SHISA9: variants seen among roughly 807,000 people sequenced by gnomAD.
SHISA9 encodes the protein shisa family member 9.
In SHISA9, 13 loss-of-function variants were observed where a neutral mutation model predicts 38.0. The observed-to-expected ratio is 0.34, with a 90% CI of 0.22 to 0.54. The LOEUF (loss-of-function observed/expected upper bound fraction) is 0.54, where lower values mean the gene tolerates loss of function less well. SHISA9 is among the 20% of genes least tolerant of loss of function. The pLI is 0.91. For missense variants in SHISA9, 538 were observed against 575.8 expected (o/e 0.93, Z 0.67); for synonymous variants, 275 against 242.0 (o/e 1.14, Z -1.27).
chr16:12,973,360 T>C (rs930298506), intron 2 of SHISA9, among the ~76,000 whole-genome samples: 3 of 152,202 alleles, frequency 2.0e-5, no homozygotes, highest in Non-Finnish European at 4.4e-5. Context: ...TCAAGAAACA[T>C]GTGCCTGTTG....
At chr16:13,333,264 C>T in the SHISA9 span, among the ~76,000 whole-genome samples, 1 of 152,220 alleles carries the variant, frequency 6.6e-6, no homozygotes, top group Non-Finnish European at 1.5e-5. Context: ...CAGTTTGGTC[C>T]TGGAGCCCTT....
chr16:13,281,140 G>A, the SHISA9 span, among the ~76,000 whole-genome samples: 1 of 151,762 alleles, frequency 6.6e-6, no homozygotes, highest in Non-Finnish European at 1.5e-5. Flanking sequence ...TGAAGATGGA[G>A]ATGGGAAAGA....
intron 2 of SHISA9, among the ~76,000 whole-genome samples, chr16:13,098,557 C>G (rs544993185): frequency 6.6e-6 from 1 of 152,220 alleles, no homozygotes; most frequent in African/African-American, 2.4e-5. Flanking sequence ...TTGTAAAACC[C>G]ATGAGCCACT....
chr16:13,327,304 T>C, the SHISA9 span, among the ~76,000 whole-genome samples: 2 of 152,054 alleles, frequency 1.3e-5, no homozygotes, highest in Admixed American at 1.3e-4. Context: ...ACTTTTTAGT[T>C]AGTAGATTAG....
At chr16:13,019,850 C>CTTTTT (rs1294681514) in intron 2 of SHISA9, among the ~76,000 whole-genome samples, 3 of 19,290 alleles carry the variant, frequency 1.6e-4, no homozygotes, top group East Asian at 4.6e-3. Context: ...TTCCTTCCCT[C>CTTTTT]CCTCCCTCCC....
the SHISA9 span, among the ~76,000 whole-genome samples, chr16:13,514,653 A>G: frequency 6.6e-6 from 1 of 152,194 alleles, no homozygotes; most frequent in Non-Finnish European, 1.5e-5. Flanking sequence ...GAGGCAAAAA[A>G]GAAAGAATAA....
At chr16:13,031,244 G>A (rs2072987543) in intron 2 of SHISA9, among the ~76,000 whole-genome samples, 1 of 152,190 alleles carries the variant, frequency 6.6e-6, no homozygotes, top group African/African-American at 2.4e-5. Context: ...TGTTTTCTCT[G>A]GCCCTTGGTT....
At chr16:13,503,794 T>A in the SHISA9 span, among the ~76,000 whole-genome samples, 1 of 152,220 alleles carries the variant, frequency 6.6e-6, no homozygotes, top group African/African-American at 2.4e-5. Context: ...ATGAGATTTA[T>A]GTTTTCCACA....
At chr16:13,452,221 AG>A in the SHISA9 span, among the ~76,000 whole-genome samples, 1 of 152,230 alleles carries the variant, frequency 6.6e-6, no homozygotes, top group African/African-American at 2.4e-5. Flanking sequence ...GAGGGTGCAC[AG>A]GGGTAATAAA....
intron 2 of SHISA9, among the ~76,000 whole-genome samples, chr16:13,021,059 A>C (rs182304159): frequency 5.3e-4 from 81 of 152,306 alleles, no homozygotes; most frequent in Middle Eastern, 6.8e-3. Flanking sequence ...TGAATTAAGG[A>C]GATGTTGAAC....
the SHISA9 span, among the ~76,000 whole-genome samples, chr16:13,549,534 G>T: frequency 6.6e-6 from 1 of 151,718 alleles, no homozygotes; most frequent in African/African-American, 2.4e-5. Context: ...AAACTAATAG[G>T]TTGCTTTTAT....
intron 2 of SHISA9, among the ~76,000 whole-genome samples, chr16:13,118,930 C>G (rs956553208): frequency 2.0e-5 from 3 of 152,054 alleles, no homozygotes; most frequent in African/African-American, 7.2e-5. Flanking sequence ...CGGGGTTTCT[C>G]CTTGTTGGCC....
At chr16:12,909,450 C>T in intron 1 of SHISA9, 1 of 985,412 alleles carries the variant, frequency 1.0e-6, no homozygotes, top group Non-Finnish European at 1.2e-6. Flanking sequence ...TACCTGGAGG[C>T]TTTGAAGCAA....
the SHISA9 span, among the ~76,000 whole-genome samples, chr16:13,445,886 A>G: frequency 6.6e-6 from 1 of 152,242 alleles, no homozygotes; most frequent in African/African-American, 2.4e-5. Context: ...TACCTCCAAG[A>G]CTAGTAAGAA....
intron 2 of SHISA9, among the ~76,000 whole-genome samples, chr16:12,922,336 G>A (rs1328570483): frequency 6.6e-6 from 1 of 152,186 alleles, no homozygotes; most frequent in Non-Finnish European, 1.5e-5. Context: ...CCCTCAAAGA[G>A]CCAGGCTCTA....
At chr16:13,049,156 ATGTGTGTGTGTGTGTGTGTGTGTGTG>A (rs10526925) in intron 2 of SHISA9, among the ~76,000 whole-genome samples, 1 of 63,956 alleles carries the variant, frequency 1.6e-5, no homozygotes, top group African/African-American at 6.7e-5. Context: ...GGTTAGGAGT[ATGTGTGTGTGTGTGTGTGTGTGTGTG>A]TGTGTGTGTG....
chr16:12,931,301 A>T (rs1361822304), intron 2 of SHISA9, among the ~76,000 whole-genome samples: 1 of 152,036 alleles, frequency 6.6e-6, no homozygotes, highest in African/African-American at 2.4e-5. Flanking sequence ...TTCATTTTAG[A>T]TTCAGGGGGA....
chr16:13,526,450 C>A, the SHISA9 span, among the ~76,000 whole-genome samples: 1 of 152,178 alleles, frequency 6.6e-6, no homozygotes. Flanking sequence ...GTGGCGTGAT[C>A]TCAGCTCACT....
At chr16:13,527,368 C>G in the SHISA9 span, among the ~76,000 whole-genome samples, 3 of 152,130 alleles carry the variant, frequency 2.0e-5, no homozygotes, top group Non-Finnish European at 2.9e-5. Flanking sequence ...AGTCTTTAGA[C>G]GCAGATAATT....
Sources: gnomAD v4.1 joint callset for allele counts (sites outside exome capture counted in the v4.1 genomes callset) on GRCh38, gnomAD v4.1.1 for gene constraint, MANE v1.5 for transcripts, NCBI Gene and HGNC (gene_info 2026-07-23, HGNC 2026-07-21) for gene names.